The following STXBP5 variants were observed in gnomAD, a reference collection of about 807,000 sequenced individuals.
STXBP5 encodes syntaxin-binding protein 5.
Under a neutral mutation model 152.4 loss-of-function variants are expected in STXBP5, and 50 were observed. That is an observed-to-expected ratio of 0.33 (90% CI 0.26 to 0.42). STXBP5 has a LOEUF of 0.42. Among genes scored for constraint, STXBP5 ranks in the 10% least tolerant of loss-of-function variants. The pLI, the probability that STXBP5 is intolerant of heterozygous loss-of-function variation, is 1.00. For synonymous variants in STXBP5, 492 were observed against 494.7 expected, an observed-to-expected ratio of 0.99 and a Z score of 0.07; for missense variants, 1,167 against 1,388.6, an observed-to-expected ratio of 0.84 and a Z score of 2.54.
At chr6:147,318,487 A>G (rs1252548541) in intron 16 of STXBP5, among the ~76,000 whole-genome samples, 2 of 152,208 alleles carry the variant, frequency 1.3e-5, no homozygotes, top group Non-Finnish European at 2.9e-5. Flanking sequence ...TCGTTCTGCA[A>G]TTATGAGTTT....
chr6:147,244,330 A>G (rs989904292), intron 4 of STXBP5, among the ~76,000 whole-genome samples: 3 of 152,196 alleles, frequency 2.0e-5, no homozygotes, highest in Non-Finnish European at 4.4e-5. Flanking sequence ...GAAGATGGGT[A>G]GTGTCAGCCC....
intron 2 of STXBP5, among the ~76,000 whole-genome samples, chr6:147,208,174 A>G (rs984744765): frequency 2.0e-5 from 3 of 152,178 alleles, no homozygotes; most frequent in African/African-American, 7.2e-5. Flanking sequence ...AGAATGAAGT[A>G]TGGAAAACTG....
intron 9 of STXBP5, among the ~76,000 whole-genome samples, chr6:147,299,440 T>C (rs773678979): frequency 1.3e-5 from 2 of 151,930 alleles, no homozygotes; most frequent in African/African-American, 2.4e-5. Context: ...CAAAGAAGAA[T>C]ATCAGTCTAC....
intron 21 of STXBP5, among the ~76,000 whole-genome samples, chr6:147,346,219 T>C (rs1476993509): frequency 6.6e-6 from 1 of 152,176 alleles, no homozygotes; most frequent in Non-Finnish European, 1.5e-5. Context: ...GTTTCGTAAG[T>C]GATTCTGGGA....
At chr6:147,314,496 A>G (rs919775324) in intron 13 of STXBP5, 100 bp from the exon 14 acceptor site, 1 of 1,374,622 alleles carries the variant, frequency 7.3e-7, no homozygotes, top group Non-Finnish European at 1.0e-6. Context: ...GATTTTTTTT[A>G]CCTTTTTACT....
chr6:147,254,073 A>G (rs1779236717), intron 4 of STXBP5, among the ~76,000 whole-genome samples: 1 of 152,218 alleles, frequency 6.6e-6, no homozygotes, highest in Non-Finnish European at 1.5e-5. Flanking sequence ...CCAAAATAGC[A>G]TGGTACTGGT....
chr6:147,205,593 A>G (rs537138156), intron 1 of STXBP5, among the ~76,000 whole-genome samples: 1 of 152,310 alleles, frequency 6.6e-6, no homozygotes, highest in Admixed American at 6.5e-5. Context: ...TAAAGTAATG[A>G]TGAAATGAAT....
chr6:147,301,840 A>T (rs1286493895), intron 9 of STXBP5, among the ~76,000 whole-genome samples: 1 of 152,214 alleles, frequency 6.6e-6, no homozygotes, highest in African/African-American at 2.4e-5. Flanking sequence ...AAGCCAGCTC[A>T]CATGGTGAGA....
chr6:147,324,710 C>T (rs1783137696), intron 16 of STXBP5, among the ~76,000 whole-genome samples: 1 of 151,860 alleles, frequency 6.6e-6, no homozygotes, highest in African/African-American at 2.4e-5. Context: ...TCTTCCTCCT[C>T]ACCTCTTATT....
chr6:147,313,202 T>G (rs974458939), intron 11 of STXBP5, among the ~76,000 whole-genome samples: 1 of 152,210 alleles, frequency 6.6e-6, no homozygotes, highest in Non-Finnish European at 1.5e-5. Context: ...TTTTTGCAAA[T>G]TAGCCACTTT....
chr6:147,242,952 T>G (rs530734169), intron 4 of STXBP5, among the ~76,000 whole-genome samples: 2 of 152,366 alleles, frequency 1.3e-5, no homozygotes, highest in East Asian at 1.9e-4. Flanking sequence ...TTTTTATCAG[T>G]AAATTTCTTT....
intron 22 of STXBP5, among the ~76,000 whole-genome samples, chr6:147,353,788 T>A (rs1337744503): frequency 2.6e-5 from 4 of 152,150 alleles, no homozygotes; most frequent in Non-Finnish European, 4.4e-5. Context: ...TGTATTACAG[T>A]GAATCATAGC....
chr6:147,237,362 A>G (rs1317247555), intron 3 of STXBP5, among the ~76,000 whole-genome samples: 3 of 151,956 alleles, frequency 2.0e-5, no homozygotes, highest in African/African-American at 7.2e-5. Context: ...AGGTGCACCT[A>G]TTTGCTTTCA....
At chr6:147,211,308 C>CAAAAA (rs60677588) in intron 2 of STXBP5, among the ~76,000 whole-genome samples, 1 of 67,060 alleles carries the variant, frequency 1.5e-5, no homozygotes, top group Non-Finnish European at 3.1e-5. Flanking sequence ...GACTCTGTCT[C>CAAAAA]AAAAAAAAAA....
intron 4 of STXBP5, among the ~76,000 whole-genome samples, chr6:147,253,764 A>C (rs1779217588): frequency 1.3e-5 from 2 of 152,152 alleles, no homozygotes; most frequent in African/African-American, 4.8e-5. Context: ...CTTCAAGGAG[A>C]ACTACAAACC....
At chr6:147,229,228 G>A (rs1016904521) in intron 2 of STXBP5, among the ~76,000 whole-genome samples, 11 of 151,854 alleles carry the variant, frequency 7.2e-5, no homozygotes, top group African/African-American at 1.5e-4. Flanking sequence ...TAAGAATATC[G>A]TATGTTTTAA....
At chr6:147,252,870 C>T (rs1400894109) in intron 4 of STXBP5, among the ~76,000 whole-genome samples, 2 of 152,154 alleles carry the variant, frequency 1.3e-5, no homozygotes, top group Admixed American at 6.5e-5. Flanking sequence ...AGCCGAATTC[C>T]ACCAGAGGTA....
chr6:147,251,506 A>C (rs1582843530), intron 4 of STXBP5, among the ~76,000 whole-genome samples: 1 of 152,066 alleles, frequency 6.6e-6, no homozygotes, highest in Non-Finnish European at 1.5e-5. Context: ...AGCAGATCCC[A>C]CCCCGACAGA....
At chr6:147,327,319 A>G (rs933558321) in intron 18 of STXBP5, 43 bp downstream of exon 18, 12 of 1,583,170 alleles carry the variant, frequency 7.6e-6, no homozygotes, top group South Asian at 3.5e-5. Flanking sequence ...TAGGATTTCT[A>G]TAAATGCTGG....
Sources: gnomAD v4.1 joint callset for allele counts (sites outside exome capture counted in the v4.1 genomes callset) on GRCh38, gnomAD v4.1.1 for gene constraint, MANE v1.5 for transcripts, NCBI Gene and HGNC (gene_info 2026-07-23, HGNC 2026-07-21) for gene names.